BMPR2: variants seen among roughly 807,000 people sequenced by gnomAD.
BMPR2 encodes bone morphogenetic protein receptor type 2.
A neutral mutation model predicts 100.8 loss-of-function variants in BMPR2; 29 were observed. The observed-to-expected ratio is 0.29, with a 90% confidence interval of 0.21 to 0.39. The LOEUF (loss-of-function observed/expected upper bound fraction) is 0.39. Ranked by LOEUF, BMPR2 falls within the 10% of genes least tolerant of loss-of-function variation. The pLI is 1.00. For missense variants in BMPR2, 1,011 were observed against 1,274.5 expected (o/e 0.79, Z 3.15); for synonymous variants, 382 against 442.3 (o/e 0.86, Z 1.71).
At chr2:202,544,757 C>CTT (rs1688343780) in intron 10 of BMPR2, among the ~76,000 whole-genome samples, 1 of 106,708 alleles carries the variant, frequency 9.4e-6, no homozygotes, top group Non-Finnish European at 1.9e-5. Flanking sequence ...TTTTCTTTTT[C>CTT]TTTCTTTTTT....
In BMPR2 at chr2:202,530,898, C is replaced by G. The variant is rs553523967; in HGVS notation, c.1072C>G (p.Leu358Val). 1.2e-6 allele frequency: 2 copies of G among 1,614,082 alleles called. No homozygotes were observed. Among genetic ancestry groups the G allele is most frequent in the Admixed American group, 1.7e-5 (1 of 60,004 alleles). ...TAGTGACTTTGGACTGTCCATGAGG[C>G]TGACTGGAAATAGACTGGTGCGCCC... ...VISDFGLSMR[L>V]TGNRLVRPGE... The change falls in exon 8 of 13, where the codon CTG (leucine) becomes GTG (valine). Residue 358 changes from leucine to valine, a missense_variant. Leu to Val is a conservative substitution (Grantham distance 32). Around this residue, in one of 6 missense-constraint regions of BMPR2, gnomAD observed 355 missense variants for 455.3 expected, o/e 0.78. Coordinates refer to ENST00000374580, the MANE Select transcript of BMPR2 (RefSeq NM_001204.7).
At chr2:202,506,336 T>C (rs1188419658) in intron 3 of BMPR2, among the ~76,000 whole-genome samples, 2 of 152,048 alleles carry the variant, frequency 1.3e-5, no homozygotes, top group African/African-American at 4.8e-5. Context: ...TTTTGTATTT[T>C]TAGTAGAGAC....
chr2:202,528,100 T>C (rs1436716453), intron 7 of BMPR2, among the ~76,000 whole-genome samples: 2 of 152,146 alleles, frequency 1.3e-5, no homozygotes, highest in Non-Finnish European at 2.9e-5. Flanking sequence ...GGTGGGAGGA[T>C]TGCCTGAGCC....
At chr2:202,410,017 C>G (rs1342975924) in intron 1 of BMPR2, among the ~76,000 whole-genome samples, 5 of 151,604 alleles carry the variant, frequency 3.3e-5, no homozygotes, top group Admixed American at 3.3e-4. Flanking sequence ...CAGTGTCTCA[C>G]CCTGTCGCCC....
chr2:202,427,358 CAAAAAAAA>C (rs397872093), intron 1 of BMPR2, among the ~76,000 whole-genome samples: 2 of 78,860 alleles, frequency 2.5e-5, no homozygotes, highest in African/African-American at 5.0e-5. Flanking sequence ...GACCCTGGCT[CAAAAAAAA>C]AAAAAAAAAA....
intron 1 of BMPR2, among the ~76,000 whole-genome samples, chr2:202,464,084 A>G (rs1692271956): frequency 6.8e-6 from 1 of 147,356 alleles, no homozygotes; most frequent in Non-Finnish European, 1.5e-5. Context: ...GCTTGAACCC[A>G]GGAGGCAGAG....
intron 1 of BMPR2, among the ~76,000 whole-genome samples, chr2:202,439,240 TTTC>T (rs1691681241): frequency 6.7e-6 from 1 of 150,066 alleles, no homozygotes; most frequent in African/African-American, 2.5e-5. Flanking sequence ...ATGGGCTCAT[TTTC>T]TTAATTTCGC....
Position 202,513,833 on chromosome 2 carries a change from A to T in BMPR2, c.529+4A>T, listed in dbSNP as rs893200666. On this transcript the variant is annotated splice_donor_region_variant and intron_variant, in intron 4 of 12. Transcript: ENST00000374580. ...TTTGGATACAGAATGTTGACAGGTAAAAATTACCATTTTTTGTCCTATTGT... is the reference window on the plus strand; with the variant it reads ...TTTGGATACAGAATGTTGACAGGTATAAATTACCATTTTTTGTCCTATTGT... The T allele has an allele frequency of 6.3e-7, 1 of 1,595,150 alleles. No homozygotes were observed. Among genetic ancestry groups the T allele is most frequent in the Non-Finnish European group, 8.6e-7 (1 of 1,163,550 alleles).
intron 5 of BMPR2, 102 bp downstream of exon 5, chr2:202,515,081 C>A: frequency 8.2e-7 from 1 of 1,219,054 alleles, no homozygotes; most frequent in Non-Finnish European, 1.2e-6. Flanking sequence ...TTTATTTAAC[C>A]CTATTTACTA....
At chr2:202,526,711 GA>G (rs1462180659) in intron 7 of BMPR2, among the ~76,000 whole-genome samples, 1 of 152,176 alleles carries the variant, frequency 6.6e-6, no homozygotes, top group African/African-American at 2.4e-5. Flanking sequence ...AATGTAGGCT[GA>G]AAAGAATGAT....
intron 3 of BMPR2, among the ~76,000 whole-genome samples, chr2:202,510,744 G>A (rs1322604404): frequency 2.0e-5 from 3 of 151,976 alleles, no homozygotes; most frequent in Non-Finnish European, 4.4e-5. Context: ...GCAATGGCAT[G>A]ATCTTGGCTC....
chr2:202,558,110 G>A (rs1028552150), intron 12 of BMPR2, among the ~76,000 whole-genome samples: 1 of 152,068 alleles, frequency 6.6e-6, no homozygotes, highest in Non-Finnish European at 1.5e-5. Context: ...CTTGAGGCCA[G>A]GAGTTCAAGA....
At chr2:202,407,723 C>A (rs1690930849) in intron 1 of BMPR2, among the ~76,000 whole-genome samples, 1 of 151,328 alleles carries the variant, frequency 6.6e-6, no homozygotes. Context: ...GAGCCAAGAT[C>A]CAGCCTGGGC....
intron 3 of BMPR2, among the ~76,000 whole-genome samples, chr2:202,498,803 A>G (rs1206352529): frequency 6.6e-6 from 1 of 152,078 alleles, no homozygotes; most frequent in African/African-American, 2.4e-5. Context: ...GGGCAGTACA[A>G]ATTACAATAC....
chr2:202,514,133 T>C (rs1214494700), intron 4 of BMPR2, among the ~76,000 whole-genome samples: 1 of 151,860 alleles, frequency 6.6e-6, no homozygotes, highest in Admixed American at 6.6e-5. Flanking sequence ...AAAATTTATT[T>C]TATTTTATTT....
rs574078148 is a variant in BMPR2, at chr2:202,417,082, C to A, written c.76+39532C>A. 9.1e-4 allele frequency among the ~76,000 whole-genome samples: 138 copies of A among 152,148 alleles called. 1 individual carries two copies. Among genetic ancestry groups the A allele is most frequent in the African/African-American group, 3.1e-3 (130 of 41,536 alleles). ...GAATTTCCTGACCTCATGATCCACC[C>A]GCCTTGGCCTCCCAAAATGCTGGGA... On this transcript the variant is annotated intron_variant, in intron 1 of 12. Coordinates refer to ENST00000374580, the MANE Select transcript of BMPR2 (RefSeq NM_001204.7).
rs201489827 is a variant in BMPR2 at position 202,514,380 on chromosome 2, C to T, written c.530-508C>T. Among the ~76,000 whole-genome samples, 12 of 152,332 alleles carry T rather than the reference C, an allele frequency of 7.9e-5. No individual in the cohort carries two copies. In the East Asian group the frequency reaches 2.3e-3, roughly 29 times the overall value. On this transcript the variant is annotated intron_variant, in intron 4 of 12. Coordinates refer to ENST00000374580, the MANE Select transcript of BMPR2 (RefSeq NM_001204.7). ...CTCGATCTCCTGACCTCGTGATCCG[C>T]CCGCCTTGGCCTCCCAAAGTGCTGG...
intron 2 of BMPR2, among the ~76,000 whole-genome samples, chr2:202,466,045 A>G (rs995069954): frequency 9.9e-5 from 15 of 152,200 alleles, no homozygotes; most frequent in African/African-American, 3.6e-4. Context: ...TGTTATTTTC[A>G]TGTTTTCACT....
At chr2:202,528,350 G>A (rs556727159) in intron 7 of BMPR2, among the ~76,000 whole-genome samples, 47 of 152,232 alleles carry the variant, frequency 3.1e-4, no homozygotes, top group Non-Finnish European at 5.3e-4. Flanking sequence ...ACCACGCCGA[G>A]CTGATTTTTT....
Sources: allele counts gnomAD v4.1 joint callset (sites outside exome capture counted in the v4.1 genomes callset), GRCh38; gene constraint gnomAD v4.1.1; regional missense constraint gnomAD v4.1.1; transcripts MANE v1.5; gene names NCBI Gene and HGNC (gene_info 2026-07-23, HGNC 2026-07-21).